The following CTNND2 variants were observed in gnomAD, a reference collection of about 807,000 sequenced individuals.
CTNND2 encodes the protein catenin delta 2.
Under a neutral mutation model 144.4 loss-of-function variants are expected in CTNND2, and 22 were observed. The observed-to-expected ratio is 0.15, with a 90% CI of 0.11 to 0.22. The LOEUF (loss-of-function observed/expected upper bound fraction) is 0.22. Ranked by LOEUF, CTNND2 falls within the 10% of genes least tolerant of loss-of-function variation. The pLI is 1.00. For missense variants in CTNND2, 1,353 were observed against 1,618.8 expected (o/e 0.84, Z 2.82); for synonymous variants, 751 against 695.6 (o/e 1.08, Z -1.25).
At chr5:11,209,907 G>A (rs533571968) in intron 10 of CTNND2, among the ~76,000 whole-genome samples, 6 of 152,186 alleles carry the variant, frequency 3.9e-5, no homozygotes, top group East Asian at 1.9e-4. Context: ...GGGAGACAGC[G>A]AGACTCTGTC....
At chr5:11,608,395 C>T (rs1017908971) in intron 2 of CTNND2, among the ~76,000 whole-genome samples, 1 of 152,172 alleles carries the variant, frequency 6.6e-6, no homozygotes, top group Admixed American at 6.6e-5. Flanking sequence ...AGTTCACACA[C>T]CCAGAATAAA....
In CTNND2 at chr5:11,676,494, T is replaced by C. The variant is rs1784182479; in HGVS notation, c.174+55642A>G. Among the ~76,000 whole-genome samples, 4 of 151,810 alleles carry C rather than the reference T, an allele frequency of 2.6e-5. No individual in the cohort carries two copies. In the South Asian group the frequency reaches 6.2e-4, roughly 24 times the overall value. ...AATGAGGAAGAGCTCGCAAAAGAGA[T>C]GAGCATTTATGAGTGACATAAATCT... On this transcript the variant is annotated intron_variant, in intron 2 of 21. Coordinates refer to ENST00000304623, the MANE Select transcript of CTNND2 (RefSeq NM_001332.4).
chr5:11,601,359 A>C (rs1158012125), intron 2 of CTNND2, among the ~76,000 whole-genome samples: 3 of 152,126 alleles, frequency 2.0e-5, no homozygotes, highest in Admixed American at 6.6e-5. Flanking sequence ...TCTATGGAAA[A>C]TGATGTATTG....
At position 11,886,630 on chromosome 5, in the gene CTNND2, T is replaced by C. The variant is rs751918735; in HGVS notation, c.37+17187A>G. ...TAAAATTCAAAGTAAAGTAGGCATC[T>C]TGTATTTACATTTGCTAAATCTAGC... On this transcript the variant is annotated intron_variant, in intron 1 of 21. Coordinates refer to ENST00000304623, the MANE Select transcript of CTNND2 (RefSeq NM_001332.4). Among the ~76,000 whole-genome samples the C allele has an allele frequency of 6.8e-4, 103 of 152,184 alleles. 2 individuals carry two copies. The highest frequency in any genetic ancestry group is 1.6e-4 in the Non-Finnish European group (11 of 68,038).
intron 9 of CTNND2, among the ~76,000 whole-genome samples, chr5:11,280,391 C>T (rs443170): frequency 0.35 from 52,696 of 151,968 alleles, 9,222 homozygotes; most frequent in Middle Eastern, 0.44. Flanking sequence ...CTCATAGTTC[C>T]GGAGGGTGGT....
chr5:11,510,064 G>A (rs1244667957), intron 3 of CTNND2, among the ~76,000 whole-genome samples: 2 of 152,088 alleles, frequency 1.3e-5, no homozygotes, highest in Admixed American at 6.6e-5. Flanking sequence ...CCGAGTAGCT[G>A]CAACTACAGA....
At chr5:11,861,848 G>A (rs1396725684) in intron 1 of CTNND2, among the ~76,000 whole-genome samples, 1 of 152,164 alleles carries the variant, frequency 6.6e-6, no homozygotes, top group African/African-American at 2.4e-5. Flanking sequence ...CATTTCTTGA[G>A]TATACTCGGC....
At chr5:11,378,789 T>C (rs1758184429) in intron 7 of CTNND2, among the ~76,000 whole-genome samples, 1 of 152,178 alleles carries the variant, frequency 6.6e-6, no homozygotes, top group African/African-American at 2.4e-5. Context: ...AGACTCTTTT[T>C]TTTTCTTTCT....
At chr5:11,602,935 G>GC (rs896481145) in intron 2 of CTNND2, among the ~76,000 whole-genome samples, 26 of 147,572 alleles carry the variant, frequency 1.8e-4, no homozygotes, top group African/African-American at 6.6e-4. Context: ...AAATTGATGA[G>GC]GGAAAAAATC....
chr5:11,258,808 C>T (rs2149949711), intron 9 of CTNND2, among the ~76,000 whole-genome samples: 1 of 152,312 alleles, frequency 6.6e-6, no homozygotes, highest in East Asian at 1.9e-4. Flanking sequence ...GTCAGAGGTG[C>T]ATTTCAACAG....
intron 16 of CTNND2, among the ~76,000 whole-genome samples, chr5:11,063,809 G>C (rs1432935309): frequency 6.7e-6 from 1 of 148,684 alleles, no homozygotes; most frequent in East Asian, 2.0e-4. Context: ...GAGGGGGGTG[G>C]GGTTGGGGGG....
intron 14 of CTNND2, among the ~76,000 whole-genome samples, chr5:11,102,793 C>T (rs552940990): frequency 2.6e-5 from 4 of 152,098 alleles, no homozygotes; most frequent in Non-Finnish European, 5.9e-5. Flanking sequence ...TGGTCACCAT[C>T]GGCACAGAGC....
At chr5:11,454,600 C>CT (rs574100913) in intron 3 of CTNND2, among the ~76,000 whole-genome samples, 129 of 145,106 alleles carry the variant, frequency 8.9e-4, no homozygotes, top group South Asian at 5.7e-3. Flanking sequence ...GTTTTTTTTC[C>CT]TTTTTTTTTT....
intron 16 of CTNND2, among the ~76,000 whole-genome samples, chr5:11,062,038 C>T (rs1747045923): frequency 6.6e-6 from 1 of 152,128 alleles, no homozygotes; most frequent in South Asian, 2.1e-4. Flanking sequence ...CTATTTTCAC[C>T]ACTAGGCTGT....
At chr5:11,641,837 T>C (rs979650703) in intron 2 of CTNND2, among the ~76,000 whole-genome samples, 1 of 151,254 alleles carries the variant, frequency 6.6e-6, no homozygotes, top group Non-Finnish European at 1.5e-5. Flanking sequence ...TATGTGTATG[T>C]ATGTATGTAT....
chr5:11,765,405 G>A (rs112363486), intron 1 of CTNND2, among the ~76,000 whole-genome samples: 51 of 152,232 alleles, frequency 3.4e-4, no homozygotes, highest in African/African-American at 1.2e-3. Context: ...AGGCTGCCAG[G>A]TGGATCAGAG....
intron 9 of CTNND2, among the ~76,000 whole-genome samples, chr5:11,237,801 C>T (rs1005002680): frequency 3.9e-5 from 6 of 152,334 alleles, no homozygotes; most frequent in Admixed American, 3.3e-4. Flanking sequence ...GTTGTGATAG[C>T]AGCCAATGTT....
intron 3 of CTNND2, among the ~76,000 whole-genome samples, chr5:11,542,557 C>A (rs935479619): frequency 6.6e-6 from 1 of 152,082 alleles, no homozygotes; most frequent in African/African-American, 2.4e-5. Context: ...CCCATACATT[C>A]CTATTTAAAT....
chr5:10,976,024 T>G (rs565935646), intron 21 of CTNND2, among the ~76,000 whole-genome samples: 1 of 152,178 alleles, frequency 6.6e-6, no homozygotes, highest in Non-Finnish European at 1.5e-5. Context: ...CAATCACTTC[T>G]GAGGTTTGGT....
Sources: gnomAD v4.1 joint callset for allele counts (sites outside exome capture counted in the v4.1 genomes callset) on GRCh38, gnomAD v4.1.1 for gene constraint, MANE v1.5 for transcripts, NCBI Gene and HGNC (gene_info 2026-07-23, HGNC 2026-07-21) for gene names.